Variants in PPIF observed in about 807,000 individuals in gnomAD.
PPIF encodes the protein peptidyl-prolyl cis-trans isomerase F, mitochondrial.
PPIF carries 23 observed loss-of-function variants against 20.2 expected under a neutral mutation model. That is an observed-to-expected ratio of 1.14 (90% CI 0.82 to 1.61). The LOEUF is 1.61. Among genes scored for constraint, PPIF ranks in the 40% most tolerant of loss-of-function variants. PPIF has a pLI of 0.00. For synonymous variants in PPIF, 113 were observed against 123.1 expected, an observed-to-expected ratio of 0.92 and a Z score of 0.54; for missense variants, 287 against 291.6, an observed-to-expected ratio of 0.98 and a Z score of 0.11.
At position 79,349,758 on chromosome 10, in the gene PPIF, T is replaced by C. The variant is rs185070920; in HGVS notation, c.315+5T>C. 1.3e-5 allele frequency: 21 copies of C among 1,613,874 alleles called. No homozygotes were observed. In the East Asian group the frequency reaches 4.2e-4, roughly 33 times the overall value. ...ATCCCTTCCTTCATGTGCCAGGTAA[T>C]GTAGTTTCCTCTTCTGTAAGGGGGG... On this transcript the variant is annotated splice_donor_5th_base_variant and intron_variant, in intron 3 of 5. Transcript: ENST00000225174.
chr10:79,351,383 C>T (rs966762616), intron 3 of PPIF, 104 bp from the exon 4 acceptor site: 8 of 918,618 alleles, frequency 8.7e-6, no homozygotes, highest in African/African-American at 3.3e-5. Flanking sequence ...ACCTGAGGGG[C>T]GCCAACTGGG....
In PPIF at chr10:79,347,767, C is replaced by G. The variant is rs751309174; in HGVS notation, c.195+24C>G. 17 of 1,296,130 alleles carry G rather than the reference C, an allele frequency of 1.3e-5. No individual in the cohort carries two copies. The African/African-American group carries it at 2.6e-4, about 20-fold the overall frequency. The allele number at this position is 1,296,130 out of a possible 1,614,324, so 80.3% of individuals were successfully genotyped here. ...AGGTGAGACCGCTCGCAGGGCCGGCCTGGGCGCGGGACACGGGCCCGGGGA... is the reference window on the plus strand; with the variant it reads ...AGGTGAGACCGCTCGCAGGGCCGGCGTGGGCGCGGGACACGGGCCCGGGGA... On this transcript the variant is annotated intron_variant, in intron 1 of 5. Transcript: ENST00000225174.
chr10:79,354,138 A>G lies in PPIF; in HGVS notation c.*296A>G, dbSNP rs752341402. On this transcript the variant is annotated 3_prime_UTR_variant, in exon 6 of 6. Transcript: ENST00000225174. Reference sequence around the variant, plus strand: ...GCCCAGATTCATCTGTGCCTTGGACATGGTGATGGTGATGGGTTGCCATCC... The same window carrying G: ...GCCCAGATTCATCTGTGCCTTGGACGTGGTGATGGTGATGGGTTGCCATCC... 94 of 392,146 alleles carry G rather than the reference A, an allele frequency of 2.4e-4. No individual in the cohort carries two copies. Among genetic ancestry groups the G allele is most frequent in the Non-Finnish European group, 3.1e-4 (67 of 213,016 alleles). 24.3% of individuals were successfully genotyped at this position (392,146 alleles called of 1,614,324 possible). A position where few individuals can be genotyped will look rare whatever the true frequency, so the allele number is the denominator to read the frequency against.
In PPIF at chr10:79,353,978, C is replaced by T; in HGVS notation, c.*136C>T. ...GTCACAGTGTGCCTGAGGAAGGCTG[C>T]TAGGGATGTTAGACCTCGGCCAGGA... On this transcript the variant is annotated 3_prime_UTR_variant, in exon 6 of 6. Coordinates refer to ENST00000225174, the MANE Select transcript of PPIF (RefSeq NM_005729.4). 1 of 1,038,730 alleles carries T rather than the reference C, an allele frequency of 9.6e-7. No individual in the cohort carries two copies. Among genetic ancestry groups the T allele is most frequent in the Non-Finnish European group, 1.4e-6 (1 of 715,966 alleles). The allele number at this position is 1,038,730 out of a possible 1,614,324, so 64.3% of individuals were successfully genotyped here.
In PPIF at chr10:79,353,770, A is replaced by G. The variant is rs756381026; in HGVS notation, c.552A>G (p.Ile184Met). 6.2e-7 allele frequency: 1 copy of G among 1,614,272 alleles called. No homozygotes were observed. Among genetic ancestry groups the G allele is most frequent in the Non-Finnish European group, 8.5e-7 (1 of 1,180,056 alleles). The change falls in exon 6 of 6, where the codon ATA becomes ATG. Residue 184 changes from isoleucine to methionine, a missense_variant. By Grantham distance (10) the Ile-to-Met change is conservative. Transcript: ENST00000225174. The stretch of plus-strand genomic sequence containing the variant: ...AGGGCATGGACGTCGTGAAGAAAAT[A>G]GAATCTTTCGGCTCTAAGAGTGGGA... The part of the protein sequence containing the change: ...VKEGMDVVKK[I>M]ESFGSKSGRT...
chr10:79,349,374 C>T (rs1180434650), intron 2 of PPIF, among the ~76,000 whole-genome samples: 3 of 152,242 alleles, frequency 2.0e-5, no homozygotes, highest in Non-Finnish European at 1.5e-5. Context: ...TTCCCCACTC[C>T]TGGTGCCCAG....
rs1357326834 is a variant in PPIF at position 79,352,319 on chromosome 10, G to T, written c.415G>T (p.Val139Phe). The T allele has an allele frequency of 6.2e-7, 1 of 1,614,140 alleles. No homozygotes were observed. Among genetic ancestry groups the T allele is most frequent in the East Asian group, 2.2e-5 (1 of 44,884 alleles). The change falls in exon 5 of 6, where the codon GTC becomes TTC. Residue 139 changes from valine to phenylalanine, a missense_variant and splice_region_variant. Physicochemically the swap from Val to Phe is conservative, Grantham distance 50. Transcript: ENST00000225174. The stretch of plus-strand genomic sequence containing the variant: ...CTCAGCCCTGCTGGTTTTTGCAGGT[G>T]TCCTGTCCATGGCTAATGCTGGTCC... The part of the protein sequence containing the change: ...NFTLKHVGPG[V>F]LSMANAGPNT...
intron 2 of PPIF, 129 bp from the exon 3 acceptor site, chr10:79,349,536 C>G: frequency 2.0e-6 from 3 of 1,491,602 alleles, no homozygotes; most frequent in Non-Finnish European, 2.7e-6. Flanking sequence ...AGAGCAGACC[C>G]AAGAGGTGGG....
rs1003424817 is a variant in PPIF at position 79,351,540 on chromosome 10, C to T, written c.369C>T (p.Ser123=). The change falls in exon 4 of 6, where the codon AGC becomes AGT. Residue 123 remains serine (S), a synonymous_variant. Transcript: ENST00000225174. ...CAGGCGGGAAGTCCATCTACGGAAG[C>T]CGCTTTCCTGACGAGAACTTTACAC... ...NGTGGKSIYG[S]RFPDENFTLK... 3 of 1,614,018 alleles carry T rather than the reference C, an allele frequency of 1.9e-6. No homozygotes were observed. Among genetic ancestry groups the T allele is most frequent in the African/African-American group, 2.7e-5 (2 of 74,916 alleles).
intron 5 of PPIF, among the ~76,000 whole-genome samples, chr10:79,352,820 C>T (rs960210123): frequency 1.3e-5 from 2 of 152,232 alleles, no homozygotes; most frequent in Non-Finnish European, 2.9e-5. Context: ...CTGCAGCAGA[C>T]ATTTGGATAT....
chr10:79,348,203 G>A (rs944466021), intron 1 of PPIF, among the ~76,000 whole-genome samples: 1 of 152,166 alleles, frequency 6.6e-6, no homozygotes, highest in Non-Finnish European at 1.5e-5. Context: ...GCTCACACTG[G>A]GGGTGCTGGG....
In PPIF at chr10:79,350,624, G is replaced by A. The variant is rs551623587; in HGVS notation, c.316-863G>A. Among the ~76,000 whole-genome samples, 370 of 152,366 alleles carry A rather than the reference G, an allele frequency of 2.4e-3. 1 individual carries two copies. The highest frequency in any genetic ancestry group is 7.8e-3 in the African/African-American group (325 of 41,592). On this transcript the variant is annotated intron_variant, in intron 3 of 5. Coordinates refer to ENST00000225174, the MANE Select transcript of PPIF (RefSeq NM_005729.4). ...GGCCTGGCCCAGCCCTAAGGCTGAT[G>A]GTAAAGTAGGAGCTGAGGTGGAAGT...
Position 79,354,351 on chromosome 10 carries a change from G to A in PPIF, c.*509G>A, listed in dbSNP as rs1856021792. On this transcript the variant is annotated 3_prime_UTR_variant, in exon 6 of 6. Coordinates refer to ENST00000225174, the MANE Select transcript of PPIF (RefSeq NM_005729.4). ...GGTGACACAGGCCACAGACCCCAGA[G>A]CTTGGCTTTTGAAACACAACTCAGG... 6.5e-6 allele frequency: 1 copy of A among 154,814 alleles called. No homozygotes were observed. Among genetic ancestry groups the A allele is most frequent in the Admixed American group, 6.4e-5 (1 of 15,626 alleles). 9.6% of individuals were successfully genotyped at this position (154,814 alleles called of 1,614,324 possible).
intron 1 of PPIF, 100 bp from the exon 2 acceptor site, chr10:79,348,976 C>G: frequency 6.2e-7 from 1 of 1,611,102 alleles, no homozygotes; most frequent in Non-Finnish European, 8.5e-7. Context: ...TCTTCCTTAG[C>G]CTCCTTGGCC....
intron 1 of PPIF, among the ~76,000 whole-genome samples, chr10:79,348,326 CAG>C (rs1259237424): frequency 1.3e-5 from 2 of 152,204 alleles, no homozygotes; most frequent in Non-Finnish European, 1.5e-5. Flanking sequence ...CACTCAGAGA[CAG>C]TGTGCCCGGC....
intron 2 of PPIF, among the ~76,000 whole-genome samples, 180 bp downstream of exon 2, chr10:79,349,286 C>T (rs949763970): frequency 2.6e-5 from 4 of 152,248 alleles, no homozygotes; most frequent in Admixed American, 2.6e-4. Context: ...TGGGCCTCAA[C>T]GTTGGCTCTG....
chr10:79,353,932 G>T lies in PPIF; in HGVS notation c.*90G>T. 2.2e-6 allele frequency: 3 copies of T among 1,386,572 alleles called. No homozygotes were observed. The highest frequency in any genetic ancestry group is 1.0e-6 in the Non-Finnish European group (1 of 1,003,736). The allele number at this position is 1,386,572 out of a possible 1,614,324, so 85.9% of individuals were successfully genotyped here. ...GGCTGTCAGCCAAGGTGCCTGAAAC[G>T]ATACGTGTGCCCACTCCACTGTCAC... On this transcript the variant is annotated 3_prime_UTR_variant, in exon 6 of 6. Transcript: ENST00000225174.
At chr10:79,349,249 C>T in intron 2 of PPIF, 143 bp downstream of exon 2, 2 of 1,571,042 alleles carry the variant, frequency 1.3e-6, no homozygotes, top group Middle Eastern at 2.0e-4. Context: ...CCATTGGGTG[C>T]TCTGGGGCAG....
intron 1 of PPIF, among the ~76,000 whole-genome samples, 162 bp from the exon 2 acceptor site, chr10:79,348,914 G>C (rs949612620): frequency 2.0e-5 from 3 of 152,236 alleles, no homozygotes; most frequent in African/African-American, 4.8e-5. Flanking sequence ...AGAAATGATA[G>C]AGCTGCCTCC....
Sources: gnomAD v4.1 joint callset for allele counts (sites outside exome capture counted in the v4.1 genomes callset) on GRCh38, gnomAD v4.1.1 for gene constraint, MANE v1.5 for transcripts, NCBI Gene and HGNC (gene_info 2026-07-23, HGNC 2026-07-21) for gene names.